Variants in ARMC8 observed in about 807,000 individuals in gnomAD.
ARMC8 encodes armadillo repeat containing 8.
In ARMC8, 20 loss-of-function variants were observed where a neutral mutation model predicts 99.3. The observed-to-expected ratio is 0.20, with a 90% confidence interval of 0.14 to 0.29. The LOEUF (loss-of-function observed/expected upper bound fraction) is 0.29. Ranked by LOEUF, ARMC8 falls within the 10% of genes least tolerant of loss-of-function variation. The pLI is 1.00. For synonymous variants in ARMC8, 263 were observed against 278.3 expected (o/e 0.95, Z 0.55); for missense variants, 569 against 809.5 (o/e 0.70, Z 3.60).
At chr3:138,260,240 G>A (rs76078967) in intron 12 of ARMC8, among the ~76,000 whole-genome samples, 1,883 of 152,102 alleles carry the variant, frequency 0.012, 40 homozygotes, top group African/African-American at 0.041. Flanking sequence ...CTCCTCACCC[G>A]CCTTCTTCCC....
intron 11 of ARMC8, among the ~76,000 whole-genome samples, chr3:138,244,609 C>T (rs2046795344): frequency 1.3e-5 from 2 of 152,166 alleles, no homozygotes; most frequent in Admixed American, 1.3e-4. Context: ...AAAATTAGGC[C>T]AGCACTACTC....
intron 5 of ARMC8, among the ~76,000 whole-genome samples, chr3:138,226,850 C>A (rs978766974): frequency 1.3e-5 from 2 of 152,122 alleles, no homozygotes; most frequent in African/African-American, 4.8e-5. Context: ...AAAATTGAGA[C>A]CCCTGGAGGT....
chr3:138,221,182 T>C lies in ARMC8; in HGVS notation c.123-744T>C, dbSNP rs947331975. ...TCTGTATAGCTAGAATAAAAAATAC[T>C]GTGAATATCTGAGAAATGTAAAAGA... On this transcript the variant is annotated intron_variant, in intron 2 of 21. Transcript: ENST00000469044. 1.5e-4 allele frequency among the ~76,000 whole-genome samples: 23 copies of C among 152,346 alleles called. No homozygotes were observed. In the East Asian group the frequency reaches 2.9e-3, roughly 19 times the overall value.
chr3:138,215,699 C>T (rs1052529636), intron 2 of ARMC8, among the ~76,000 whole-genome samples: 4 of 151,986 alleles, frequency 2.6e-5, no homozygotes, highest in African/African-American at 9.7e-5. Flanking sequence ...TGTAATCATA[C>T]ATTGATAAAA....
chr3:138,222,778 G>A (rs1422157554), intron 3 of ARMC8, among the ~76,000 whole-genome samples: 2 of 152,192 alleles, frequency 1.3e-5, no homozygotes, highest in Non-Finnish European at 2.9e-5. Flanking sequence ...TGGAGCATGA[G>A]GGTCCTGTCT....
rs994177145 is a variant in ARMC8, at chr3:138,221,283, T to A, written c.123-643T>A. ...AAAATAGTAACAATGTATTATGTTGTTTCTAAGCAATTTAAAAATATTGTA... is the reference window on the plus strand; with the variant it reads ...AAAATAGTAACAATGTATTATGTTGATTCTAAGCAATTTAAAAATATTGTA... On this transcript the variant is annotated intron_variant, in intron 2 of 21. Transcript: ENST00000469044. 7.9e-5 allele frequency among the ~76,000 whole-genome samples: 12 copies of A among 152,326 alleles called. No individual in the cohort carries two copies. The East Asian group carries it at 2.3e-3, about 29-fold the overall frequency.
intron 6 of ARMC8, 152 bp downstream of exon 6, chr3:138,229,162 A>ATATATATATATGTATATG (rs2045877515): frequency 1.3e-5 from 1 of 75,910 alleles, no homozygotes; most frequent in African/African-American, 5.9e-5. Flanking sequence ...ATATATATAT[A>ATATATATATATGTATATG]TATATATATA....
At chr3:138,212,379 G>A (rs572058074) in intron 2 of ARMC8, among the ~76,000 whole-genome samples, 51 of 147,544 alleles carry the variant, frequency 3.5e-4, no homozygotes, top group Middle Eastern at 3.6e-3. Flanking sequence ...GCGCGATCTC[G>A]GCTCACCGCA....
At chr3:138,275,955 A>G (rs1362541653) in intron 18 of ARMC8, among the ~76,000 whole-genome samples, 1 of 152,232 alleles carries the variant, frequency 6.6e-6, no homozygotes, top group Non-Finnish European at 1.5e-5. Flanking sequence ...ACAACAATGA[A>G]GAAAGTACAT....
chr3:138,206,666 T>C (rs1337578688), intron 1 of ARMC8, among the ~76,000 whole-genome samples: 1 of 152,164 alleles, frequency 6.6e-6, no homozygotes, highest in African/African-American at 2.4e-5. Context: ...CTACCTCTTA[T>C]ATTTCTAGGC....
intron 5 of ARMC8, among the ~76,000 whole-genome samples, chr3:138,226,323 T>C (rs2045695890): frequency 6.6e-6 from 1 of 152,252 alleles, no homozygotes; most frequent in Non-Finnish European, 1.5e-5. Context: ...CTCATGGTTT[T>C]GTGTGACATT....
chr3:138,266,972 C>G (rs1456422884), intron 14 of ARMC8, among the ~76,000 whole-genome samples, 183 bp from the exon 15 acceptor site: 1 of 152,160 alleles, frequency 6.6e-6, no homozygotes, highest in Non-Finnish European at 1.5e-5. Context: ...GGGCGTTAGT[C>G]CGTCATAATT....
intron 12 of ARMC8, among the ~76,000 whole-genome samples, chr3:138,260,358 C>T (rs2108248279): frequency 6.6e-6 from 1 of 152,288 alleles, no homozygotes; most frequent in South Asian, 2.1e-4. Flanking sequence ...ACTGTATCTC[C>T]TCATTTTACT....
intron 12 of ARMC8, among the ~76,000 whole-genome samples, chr3:138,254,582 A>C (rs2047288970): frequency 6.6e-6 from 1 of 152,238 alleles, no homozygotes; most frequent in Admixed American, 6.5e-5. Context: ...AGTGTAATTC[A>C]GTGGCTGTTA....
At chr3:138,193,525 C>G (rs2043517400) in intron 1 of ARMC8, among the ~76,000 whole-genome samples, 1 of 152,204 alleles carries the variant, frequency 6.6e-6, no homozygotes, top group African/African-American at 2.4e-5. Flanking sequence ...CTTGGCCTCC[C>G]CAAGTGTTGA....
rs368295148 is a variant in ARMC8 at position 138,247,214 on chromosome 3, T to A, written c.1134+2031T>A. 6.6e-5 allele frequency among the ~76,000 whole-genome samples: 10 copies of A among 152,346 alleles called. 1 individual carries two copies. In the East Asian group the frequency reaches 1.5e-3, roughly 23 times the overall value. The stretch of plus-strand genomic sequence containing the variant: ...GGTAGATTTTTATTTACTTTCTCCA[T>A]GAAATATTTATTTCTTGTTTACACT... On this transcript the variant is annotated intron_variant, in intron 12 of 21. Coordinates refer to ENST00000469044, the MANE Select transcript of ARMC8 (RefSeq NM_001363941.2).
chr3:138,248,265 C>T (rs2046969866), intron 12 of ARMC8, among the ~76,000 whole-genome samples: 1 of 152,082 alleles, frequency 6.6e-6, no homozygotes, highest in South Asian at 2.1e-4. Flanking sequence ...ATTCAAGCTA[C>T]CTGTAATAAT....
intron 19 of ARMC8, chr3:138,287,618 T>G: frequency 2.2e-6 from 1 of 456,690 alleles, no homozygotes; most frequent in Non-Finnish European, 4.4e-6. Flanking sequence ...AGTTTTATTC[T>G]GTTTTGTCTT....
At chr3:138,271,798 C>CTTTCTTTTTT (rs1018824241) in intron 16 of ARMC8, among the ~76,000 whole-genome samples, 2 of 136,136 alleles carry the variant, frequency 1.5e-5, no homozygotes, top group African/African-American at 5.7e-5. Context: ...TTTTTTCTTT[C>CTTTCTTTTTT]TTTTTTTTTT....
Sources: allele counts gnomAD v4.1 joint callset (sites outside exome capture counted in the v4.1 genomes callset), GRCh38; gene constraint gnomAD v4.1.1; transcripts MANE v1.5; gene names NCBI Gene and HGNC (gene_info 2026-07-23, HGNC 2026-07-21).